Variants in PHF21B observed in about 807,000 individuals in gnomAD.
PHF21B encodes PHD finger protein 4.
In PHF21B, 22 loss-of-function variants were observed where a neutral mutation model predicts 62.2. The ratio of observed to expected loss-of-function variants is 0.35; its 90% CI spans 0.25 to 0.51. The LOEUF (loss-of-function observed/expected upper bound fraction) is 0.51. PHF21B is among the 20% of genes least tolerant of loss of function. The pLI, the probability that PHF21B is intolerant of heterozygous loss-of-function variation, is 0.97. For missense variants in PHF21B, 701 were observed against 707.9 expected (o/e 0.99, Z 0.11); for synonymous variants, 341 against 314.7 (o/e 1.08, Z -0.88).
intron 2 of PHF21B, among the ~76,000 whole-genome samples, chr22:44,943,700 C>T (rs534653556): frequency 2.6e-5 from 4 of 152,192 alleles, no homozygotes; most frequent in South Asian, 2.1e-4. Flanking sequence ...ATTCAGTGGC[C>T]GGGCACATGA....
At chr22:44,960,805 G>T (rs1214649851) in intron 2 of PHF21B, among the ~76,000 whole-genome samples, 1 of 152,070 alleles carries the variant, frequency 6.6e-6, no homozygotes, top group Non-Finnish European at 1.5e-5. Context: ...GGGTTTTCTT[G>T]CCTTTGGACG....
At chr22:44,897,569 G>C (rs2147267066) in intron 5 of PHF21B, among the ~76,000 whole-genome samples, 1 of 152,238 alleles carries the variant, frequency 6.6e-6, no homozygotes, top group Admixed American at 6.5e-5. Context: ...AGGTGCTCGT[G>C]AGTATTTGAT....
intron 4 of PHF21B, among the ~76,000 whole-genome samples, chr22:44,914,385 G>T (rs977313909): frequency 9.9e-5 from 15 of 152,228 alleles, no homozygotes; most frequent in East Asian, 9.6e-4. Flanking sequence ...GGCCTCAGGG[G>T]AGTCACTGCT....
At chr22:45,002,638 CA>C (rs2147533549) in intron 2 of PHF21B, among the ~76,000 whole-genome samples, 1 of 152,352 alleles carries the variant, frequency 6.6e-6, no homozygotes, top group South Asian at 2.1e-4. Context: ...AGGCATCCTT[CA>C]CACTCCTCCC....
chr22:44,923,855 T>A (rs527459739), intron 2 of PHF21B, among the ~76,000 whole-genome samples: 4 of 150,874 alleles, frequency 2.7e-5, no homozygotes, highest in East Asian at 1.9e-4. Flanking sequence ...AAAAAAAAAA[T>A]TAAAAATTAG....
At chr22:44,968,779 T>C (rs929913631) in intron 2 of PHF21B, among the ~76,000 whole-genome samples, 1 of 152,122 alleles carries the variant, frequency 6.6e-6, no homozygotes, top group African/African-American at 2.4e-5. Flanking sequence ...AATGCTCTAA[T>C]GAGTGCTTCC....
In PHF21B at chr22:44,896,880, G is replaced by GTTTTTTTT. The variant is rs56878868; in HGVS notation, c.832-805_832-798dup. Among the ~76,000 whole-genome samples the GTTTTTTTT allele has an allele frequency of 9.5e-3, 797 of 83,958 alleles. 96 individuals are homozygous for GTTTTTTTT. The highest frequency in any genetic ancestry group is 0.042 in the East Asian group (121 of 2,912). The allele number at this position is 83,958 out of a possible 152,430, so 55.1% of individuals were successfully genotyped here. A position where few individuals can be genotyped will look rare whatever the true frequency, so the allele number is the denominator to read the frequency against. ...AACAGGGTGGCACTTAGTTTTATCT[G>GTTTTTTTT]TTTTTTTTTTTTTTTTGAGACAGGT... On this transcript the variant is annotated intron_variant, in intron 5 of 12. Transcript: ENST00000313237.
intron 7 of PHF21B, 60 bp downstream of exon 7, chr22:44,893,397 G>T: frequency 1.3e-6 from 2 of 1,511,266 alleles, no homozygotes; most frequent in Non-Finnish European, 9.0e-7. Flanking sequence ...GACTTTTCCT[G>T]GAGGCTGTGC....
At chr22:45,005,034 A>ACCTG (rs1288155948) in intron 2 of PHF21B, among the ~76,000 whole-genome samples, 4 of 152,258 alleles carry the variant, frequency 2.6e-5, no homozygotes, top group Non-Finnish European at 5.9e-5. Flanking sequence ...GCCAGCTCAC[A>ACCTG]CATGGCATCT....
At chr22:45,001,993 C>G (rs2073229228) in intron 2 of PHF21B, 1 of 152,186 alleles carries the variant, frequency 6.6e-6, no homozygotes, top group Non-Finnish European at 1.5e-5. Context: ...CTAAGAAAAA[C>G]CTTTAAAAAG....
chr22:44,950,591 T>C (rs1468961870), intron 2 of PHF21B, among the ~76,000 whole-genome samples: 1 of 152,156 alleles, frequency 6.6e-6, no homozygotes, highest in Non-Finnish European at 1.5e-5. Context: ...TTTTTTCTTT[T>C]GAAAAACTCT....
chr22:44,905,137 T>G (rs2147280446), intron 5 of PHF21B, among the ~76,000 whole-genome samples: 1 of 152,326 alleles, frequency 6.6e-6, no homozygotes, highest in East Asian at 1.9e-4. Context: ...CTTCTCCACC[T>G]GCCCTGTCAC....
chr22:44,893,621 C>A, intron 6 of PHF21B, 88 bp from the exon 7 acceptor site: 1 of 1,285,154 alleles, frequency 7.8e-7, no homozygotes, highest in Non-Finnish European at 1.1e-6. Context: ...GCACCACCAT[C>A]CCCTCCTGCT....
chr22:44,892,445 G>A (rs1037512777), intron 7 of PHF21B, among the ~76,000 whole-genome samples: 1 of 152,204 alleles, frequency 6.6e-6, no homozygotes, highest in African/African-American at 2.4e-5. Context: ...TGCGCGAAAC[G>A]CCTCCCTCCC....
chr22:44,996,390 G>A (rs1698003441), intron 2 of PHF21B, among the ~76,000 whole-genome samples: 1 of 152,092 alleles, frequency 6.6e-6, no homozygotes, highest in South Asian at 2.1e-4. Context: ...AGGTGGTTTG[G>A]CAGATGGAGG....
chr22:44,895,762 G>A (rs558648605), intron 6 of PHF21B, among the ~76,000 whole-genome samples: 1 of 152,338 alleles, frequency 6.6e-6, no homozygotes, highest in East Asian at 1.9e-4. Context: ...GAGCCAGGGC[G>A]AGTCTGGAAG....
intron 8 of PHF21B, 99 bp downstream of exon 8, chr22:44,891,207 G>A (rs2070957708): frequency 8.1e-6 from 11 of 1,354,726 alleles, no homozygotes; most frequent in Non-Finnish European, 1.0e-5. Context: ...CCAGTGGGAG[G>A]CGGGCAGCCC....
chr22:44,923,189 A>G (rs928407674), intron 2 of PHF21B, among the ~76,000 whole-genome samples: 2 of 152,214 alleles, frequency 1.3e-5, no homozygotes, highest in African/African-American at 4.8e-5. Context: ...TTACACATAC[A>G]TAGTCCATTG....
intron 5 of PHF21B, among the ~76,000 whole-genome samples, chr22:44,912,547 C>CAT (rs1195757905): frequency 1.3e-5 from 2 of 152,144 alleles, no homozygotes; most frequent in Non-Finnish European, 2.9e-5. Context: ...CTTTGCCTGC[C>CAT]GCCATGTAAG....
Sources: gnomAD v4.1 joint callset for allele counts (sites outside exome capture counted in the v4.1 genomes callset) on GRCh38, gnomAD v4.1.1 for gene constraint, MANE v1.5 for transcripts, NCBI Gene and HGNC (gene_info 2026-07-23, HGNC 2026-07-21) for gene names.